Variants in MBTPS1 observed in about 807,000 individuals in gnomAD.
MBTPS1 encodes the protein membrane-bound transcription factor site-1 protease.
MBTPS1 carries 94 observed loss-of-function variants against 127.8 expected under a neutral mutation model. The ratio of observed to expected loss-of-function variants is 0.74; its 90% CI spans 0.62 to 0.87. MBTPS1 has a LOEUF of 0.87. Among genes scored for constraint, MBTPS1 ranks in the 40% least tolerant of loss-of-function variants. The pLI, the probability that MBTPS1 is intolerant of heterozygous loss-of-function variation, is 0.00. For missense variants in MBTPS1, 1,636 were observed against 1,353.2 expected (o/e 1.21, Z -3.28); for synonymous variants, 632 against 509.4 (o/e 1.24, Z -3.24).
intron 1 of MBTPS1, among the ~76,000 whole-genome samples, chr16:84,103,897 T>G (rs1472509475): frequency 6.6e-6 from 1 of 152,086 alleles, no homozygotes; most frequent in African/African-American, 2.4e-5. Context: ...TACATCCACC[T>G]CGACAAGAAC....
chr16:84,090,502 C>T (rs1321979014), intron 8 of MBTPS1, among the ~76,000 whole-genome samples: 2 of 152,206 alleles, frequency 1.3e-5, no homozygotes, highest in Non-Finnish European at 2.9e-5. Context: ...CCTCTTTACC[C>T]GGATGCTTTG....
chr16:84,109,296 G>C (rs565246271), intron 1 of MBTPS1, among the ~76,000 whole-genome samples: 1 of 152,272 alleles, frequency 6.6e-6, no homozygotes, highest in East Asian at 1.9e-4. Flanking sequence ...GACAATCTGA[G>C]CATCACGATA....
intron 12 of MBTPS1, chr16:84,071,798 C>G (rs1306085791): frequency 6.6e-6 from 1 of 152,122 alleles, no homozygotes. Flanking sequence ...GGGAAAAGAG[C>G]ATCACCTGGA....
In MBTPS1 at chr16:84,065,762, A is replaced by G; in HGVS notation, c.2359T>C (p.Tyr787His). 3 of 1,596,386 alleles carry G rather than the reference A, an allele frequency of 1.9e-6. No homozygotes were observed. The highest frequency in any genetic ancestry group is 2.6e-6 in the Non-Finnish European group (3 of 1,172,794). ...TTCGCGATGCTGCACCCTGACGCAT[A>G]ATACACTAGGAAAGAGTGTTCAAAG... ...EFTLANHDMY[Y>H]ASGCSIAKFP... The change falls in exon 18 of 23, where the codon TAT becomes CAT. Residue 787 changes from tyrosine (Y) to histidine (H), a missense_variant. Transcript: ENST00000343411.
intron 6 of MBTPS1, among the ~76,000 whole-genome samples, 175 bp from the exon 7 acceptor site, chr16:84,092,023 C>T (rs992842793): frequency 1.3e-5 from 2 of 152,048 alleles, no homozygotes; most frequent in Non-Finnish European, 2.9e-5. Flanking sequence ...AAATACAACA[C>T]GTAGAAGTTC....
At chr16:84,096,209 CTAT>C (rs2086177832) in intron 3 of MBTPS1, among the ~76,000 whole-genome samples, 1 of 152,058 alleles carries the variant, frequency 6.6e-6, no homozygotes, top group African/African-American at 2.4e-5. Context: ...TTTATTTTTA[CTAT>C]AAGTTTCACT....
chr16:84,073,987 C>A (rs2085813137), intron 12 of MBTPS1, among the ~76,000 whole-genome samples: 1 of 151,926 alleles, frequency 6.6e-6, no homozygotes, highest in Admixed American at 6.6e-5. Flanking sequence ...GCCTGGGCAA[C>A]AAGAGTGACA....
chr16:84,063,111 T>C (rs2085637477), intron 19 of MBTPS1, among the ~76,000 whole-genome samples, 194 bp downstream of exon 19: 1 of 152,280 alleles, frequency 6.6e-6, no homozygotes, highest in Non-Finnish European at 1.5e-5. Flanking sequence ...GTTTTGCTTA[T>C]TAAATGTGTG....
intron 1 of MBTPS1, among the ~76,000 whole-genome samples, chr16:84,104,397 G>A (rs1253657183): frequency 6.6e-6 from 1 of 152,044 alleles, no homozygotes; most frequent in Non-Finnish European, 1.5e-5. Flanking sequence ...TTAGCCTGGA[G>A]GGTTGCAGTG....
chr16:84,094,679 C>G (rs2086155250), intron 4 of MBTPS1, among the ~76,000 whole-genome samples: 1 of 152,098 alleles, frequency 6.6e-6, no homozygotes, highest in Non-Finnish European at 1.5e-5. Context: ...AATGCACACA[C>G]AAAATCAGAA....
At chr16:84,107,878 T>G (rs1356903591) in intron 1 of MBTPS1, among the ~76,000 whole-genome samples, 1 of 150,840 alleles carries the variant, frequency 6.6e-6, no homozygotes, top group Non-Finnish European at 1.5e-5. Context: ...ATTTTTTTTT[T>G]TTTTTTTGTA....
intron 10 of MBTPS1, 97 bp downstream of exon 10, chr16:84,084,886 A>T: frequency 7.2e-7 from 1 of 1,383,800 alleles, no homozygotes; most frequent in Non-Finnish European, 9.9e-7. Flanking sequence ...TCTCAAACCC[A>T]AGACAGGGCA....
At chr16:84,084,458 G>C (rs1219422188) in intron 10 of MBTPS1, among the ~76,000 whole-genome samples, 1 of 152,204 alleles carries the variant, frequency 6.6e-6, no homozygotes, top group South Asian at 2.1e-4. Context: ...ACTGTGAGAA[G>C]ATGGATGTGT....
intron 15 of MBTPS1, 61 bp downstream of exon 15, chr16:84,068,278 A>G: frequency 8.6e-7 from 1 of 1,158,876 alleles, no homozygotes; most frequent in African/African-American, 1.5e-5. Flanking sequence ...CTCCTCAGAC[A>G]TTTAACAAAC....
At chr16:84,106,481 A>G in intron 1 of MBTPS1, among the ~76,000 whole-genome samples, 1 of 152,160 alleles carries the variant, frequency 6.6e-6, no homozygotes, top group Non-Finnish European at 1.5e-5. Flanking sequence ...AGGCAGTGGG[A>G]AAGCAAGTGA....
intron 11 of MBTPS1, among the ~76,000 whole-genome samples, chr16:84,080,291 G>A (rs924418920): frequency 5.9e-5 from 9 of 152,218 alleles, no homozygotes; most frequent in Non-Finnish European, 1.2e-4. Context: ...AATGTAAATG[G>A]AATGAAGGAA....
intron 3 of MBTPS1, among the ~76,000 whole-genome samples, chr16:84,096,820 G>T (rs2086185190): frequency 6.6e-6 from 1 of 152,156 alleles, no homozygotes; most frequent in South Asian, 2.1e-4. Flanking sequence ...CAACAGCATG[G>T]GACAATGCTG....
At chr16:84,086,906 A>G (rs1376167438) in intron 9 of MBTPS1, among the ~76,000 whole-genome samples, 1 of 152,148 alleles carries the variant, frequency 6.6e-6, no homozygotes, top group Non-Finnish European at 1.5e-5. Context: ...GCTAAATACA[A>G]TTGTTTCTGT....
chr16:84,081,886 C>T lies in MBTPS1; in HGVS notation c.1309G>A (p.Val437Met), dbSNP rs756813550. ...GCCTGCTTCATACTGGCGGGATTCACCAGCTCACGCTTCTGGACTGTGCTG... is the reference window on the plus strand; with the variant it reads ...GCCTGCTTCATACTGGCGGGATTCATCAGCTCACGCTTCTGGACTGTGCTG... ...LVSTVQKREL[V>M]NPASMKQALI... is the part of the protein sequence containing the mutation. The change falls in exon 11 of 23, where the codon GTG (valine) becomes ATG (methionine). Residue 437 changes from valine (V) to methionine (M), a missense_variant. Physicochemically the swap from Val to Met is conservative, Grantham distance 21. Transcript: ENST00000343411. 5 of 1,450,198 alleles carry T rather than the reference C, an allele frequency of 3.4e-6. No homozygotes were observed. The Admixed American group carries it at 8.0e-5, about 23-fold the overall frequency. The allele number at this position is 1,450,198 out of a possible 1,614,324, so 89.8% of individuals were successfully genotyped here. A position where few individuals can be genotyped will look rare whatever the true frequency, so the allele number is the denominator to read the frequency against.
Sources: allele counts gnomAD v4.1 joint callset (sites outside exome capture counted in the v4.1 genomes callset), GRCh38; gene constraint gnomAD v4.1.1; transcripts MANE v1.5; gene names NCBI Gene and HGNC (gene_info 2026-07-23, HGNC 2026-07-21).